The following TET1 variants were observed in gnomAD, a reference collection of about 807,000 sequenced individuals.
TET1 encodes the protein tet methylcytosine dioxygenase 1.
Under a neutral mutation model 148.7 loss-of-function variants are expected in TET1, and 13 were observed. That is an observed-to-expected ratio of 0.09 (90% confidence interval 0.06 to 0.14). The LOEUF (loss-of-function observed/expected upper bound fraction) is 0.14. Among genes scored for constraint, TET1 ranks in the 10% least tolerant of loss-of-function variants. TET1 has a pLI of 1.00. For missense variants in TET1, 2,182 were observed against 2,553.8 expected, an observed-to-expected ratio of 0.85 and a Z score of 3.14; for synonymous variants, 907 against 937.2, an observed-to-expected ratio of 0.97 and a Z score of 0.59.
intron 3 of TET1, among the ~76,000 whole-genome samples, chr10:68,609,966 G>A (rs1214362145): frequency 6.6e-6 from 1 of 151,540 alleles, no homozygotes; most frequent in Non-Finnish European, 1.5e-5. Flanking sequence ...TGGGCAACAT[G>A]AGAAAACTAC....
In TET1 at chr10:68,573,056, C is replaced by T. The variant is rs767959452; in HGVS notation, c.718C>T (p.Pro240Ser). The change falls in exon 2 of 12, where the codon CCA becomes TCA. Residue 240 changes from proline to serine, a missense_variant. Around this residue, in one of 11 missense-constraint regions of TET1, gnomAD observed 665 missense variants for 672.4 expected, o/e 0.99. Coordinates refer to ENST00000373644, the MANE Select transcript of TET1 (RefSeq NM_030625.3). ...EETLNDTSGS[P>S]KMFAQDTVCA... is the part of the protein sequence containing the mutation. ...GACATTGAATGATACCAGTGGTTCC[C>T]CAAAAATGTTTGCTCAGGACACAGT... 6.2e-7 allele frequency: 1 copy of T among 1,614,088 alleles called. No individual in the cohort carries two copies. Among genetic ancestry groups the T allele is most frequent in the South Asian group, 1.1e-5 (1 of 91,080 alleles).
intron 3 of TET1, among the ~76,000 whole-genome samples, chr10:68,611,972 A>G (rs529103555): frequency 1.3e-5 from 2 of 152,054 alleles, no homozygotes; most frequent in African/African-American, 2.4e-5. Flanking sequence ...TGGTATATTC[A>G]CTTGATAGCC....
chr10:68,588,098 C>T (rs990784657), intron 2 of TET1, among the ~76,000 whole-genome samples: 8 of 152,030 alleles, frequency 5.3e-5, no homozygotes, highest in Admixed American at 2.6e-4. Context: ...CCTGACCTCA[C>T]GTGATCCACC....
At chr10:68,600,058 T>C (rs1211053702) in intron 2 of TET1, among the ~76,000 whole-genome samples, 1 of 152,028 alleles carries the variant, frequency 6.6e-6, no homozygotes, top group African/African-American at 2.4e-5. Flanking sequence ...TGCAAAGAGG[T>C]GTGGTTCCTG....
chr10:68,645,936 C>T lies in TET1; in HGVS notation c.3207C>T (p.Thr1069=), dbSNP rs776630028. 34 of 1,613,748 alleles carry T rather than the reference C, an allele frequency of 2.1e-5. No individual in the cohort carries two copies. Among genetic ancestry groups the T allele is most frequent in the Non-Finnish European group, 2.8e-5 (33 of 1,179,996 alleles). The change falls in exon 4 of 12, where the codon ACC becomes ACT. Residue 1069 remains threonine (T), a synonymous_variant. Transcript: ENST00000373644. ...ATGATCTATCATGTCAGGATGCAAC[C>T]CATACCCAAATTGAGGAAGATGTTG... ...DSDDLSCQDA[T]HTQIEEDVAT...
At chr10:68,664,670 AT>A (rs398013961) in intron 6 of TET1, among the ~76,000 whole-genome samples, 6 of 99,538 alleles carry the variant, frequency 6.0e-5, no homozygotes, top group African/African-American at 8.4e-5. Flanking sequence ...CCCAGCCTGC[AT>A]TTTTTTTTTT....
At chr10:68,571,840 C>G (rs976669899) in intron 1 of TET1, among the ~76,000 whole-genome samples, 3 of 152,136 alleles carry the variant, frequency 2.0e-5, no homozygotes, top group Non-Finnish European at 4.4e-5. Flanking sequence ...TTTTAACTGG[C>G]CGGGCACGCT....
chr10:68,571,353 G>A (rs2053667861), intron 1 of TET1, among the ~76,000 whole-genome samples: 1 of 151,276 alleles, frequency 6.6e-6, no homozygotes, highest in Admixed American at 6.6e-5. Context: ...ACCCAGGCTG[G>A]AGTGCAATGG....
chr10:68,566,548 A>G (rs954682947), intron 1 of TET1, among the ~76,000 whole-genome samples: 4 of 152,262 alleles, frequency 2.6e-5, no homozygotes, highest in African/African-American at 9.6e-5. Context: ...ATTCAAGTGA[A>G]GTATTCTCTG....
At chr10:68,637,606 A>T (rs1775373800) in intron 3 of TET1, among the ~76,000 whole-genome samples, 2 of 140,910 alleles carry the variant, frequency 1.4e-5, no homozygotes, top group Admixed American at 7.4e-5. Context: ...GCTTACTGCA[A>T]CCTCTGCCTT....
intron 3 of TET1, among the ~76,000 whole-genome samples, chr10:68,634,857 G>T (rs997946353): frequency 2.6e-5 from 4 of 152,028 alleles, no homozygotes; most frequent in African/African-American, 9.7e-5. Context: ...CGCCTCCCAG[G>T]TTCAAGCAAT....
intron 6 of TET1, among the ~76,000 whole-genome samples, chr10:68,662,775 C>T (rs1400987497): frequency 6.6e-6 from 1 of 152,146 alleles, no homozygotes; most frequent in South Asian, 2.1e-4. Context: ...CGGTGGCAAG[C>T]ACCTGTAGTT....
intron 3 of TET1, among the ~76,000 whole-genome samples, chr10:68,620,906 T>C (rs2132967616): frequency 6.6e-6 from 1 of 152,360 alleles, no homozygotes; most frequent in East Asian, 1.9e-4. Flanking sequence ...TAATGGTATT[T>C]AACATCTTTT....
chr10:68,675,247 TA>T (rs1286494171), intron 8 of TET1: 1 of 210,984 alleles, frequency 4.7e-6, no homozygotes, highest in Non-Finnish European at 9.2e-6. Context: ...GATTTCATAA[TA>T]ATTTTCACCA....
chr10:68,623,463 T>G (rs2054405157), intron 3 of TET1, among the ~76,000 whole-genome samples: 1 of 152,224 alleles, frequency 6.6e-6, no homozygotes, highest in South Asian at 2.1e-4. Flanking sequence ...CTTTGGATAC[T>G]TGGCAAAGGT....
At chr10:68,619,191 A>T (rs531231368) in intron 3 of TET1, among the ~76,000 whole-genome samples, 1 of 152,222 alleles carries the variant, frequency 6.6e-6, no homozygotes, top group East Asian at 1.9e-4. Context: ...GTATCTCTAT[A>T]GTTACATATG....
At chr10:68,579,194 G>A (rs1476499337) in intron 2 of TET1, among the ~76,000 whole-genome samples, 2 of 152,192 alleles carry the variant, frequency 1.3e-5, no homozygotes, top group Non-Finnish European at 2.9e-5. Context: ...ATTGCCAAAT[G>A]ACATCATTGT....
At chr10:68,654,268 C>T (rs188134958) in intron 6 of TET1, among the ~76,000 whole-genome samples, 2 of 151,922 alleles carry the variant, frequency 1.3e-5, no homozygotes, top group African/African-American at 4.8e-5. Context: ...GAACAAAGGT[C>T]TTGGGTTTAG....
At chr10:68,657,343 A>C (rs1215143012) in intron 6 of TET1, among the ~76,000 whole-genome samples, 1 of 151,814 alleles carries the variant, frequency 6.6e-6, no homozygotes, top group Non-Finnish European at 1.5e-5. Context: ...CAACTGGCTA[A>C]TTTTTCGTAT....
Sources: allele counts gnomAD v4.1 joint callset (sites outside exome capture counted in the v4.1 genomes callset), GRCh38; gene constraint gnomAD v4.1.1; regional missense constraint gnomAD v4.1.1; transcripts MANE v1.5; gene names NCBI Gene and HGNC (gene_info 2026-07-23, HGNC 2026-07-21).